Variants in CSMD1 observed in about 807,000 individuals in gnomAD.
CSMD1 encodes CUB and sushi domain-containing protein 1.
A neutral mutation model predicts 417.5 loss-of-function variants in CSMD1; 213 were observed. The observed-to-expected ratio is 0.51, with a 90% CI of 0.46 to 0.57. The LOEUF is 0.57. CSMD1 is among the 20% of genes least tolerant of loss of function. The probability of loss-of-function intolerance (pLI) is 0.00; values close to 1 mark genes in which losing one functional copy is unlikely to be tolerated. For synonymous variants in CSMD1, 2,862 were observed against 1,736.8 expected (o/e 1.65, Z -16.11); for missense variants, 6,923 against 4,529.7 (o/e 1.53, Z -15.17).
intron 2 of CSMD1, among the ~76,000 whole-genome samples, chr8:4,454,946 C>T (rs1012992323): frequency 4.6e-5 from 7 of 152,168 alleles, no homozygotes; most frequent in African/African-American, 1.7e-4. Context: ...CATGACGCTT[C>T]TGTACGTTGT....
At chr8:3,407,837 C>A (rs1191086636) in intron 14 of CSMD1, 62 bp downstream of exon 14, 32 of 1,424,638 alleles carry the variant, frequency 2.2e-5, no homozygotes, top group Non-Finnish European at 1.7e-5. Context: ...TACATATAAG[C>A]AAAATGGGAA....
Position 3,931,171 on chromosome 8 carries a change from A to G in CSMD1, c.818+66732T>C, listed in dbSNP as rs893465727. 2.0e-5 allele frequency among the ~76,000 whole-genome samples: 3 copies of G among 150,770 alleles called. 1 individual carries two copies. Among genetic ancestry groups the G allele is most frequent in the Admixed American group, 6.6e-5 (1 of 15,150 alleles). On this transcript the variant is annotated intron_variant, in intron 5 of 69. Transcript: ENST00000635120. ...GCTAAACATCGTCTGCATCTTTTAAAGCATCTTCCCCTCATATCCATTTAG... is the reference window on the plus strand; with the variant it reads ...GCTAAACATCGTCTGCATCTTTTAAGGCATCTTCCCCTCATATCCATTTAG...
At chr8:4,490,541 C>A (rs529568068) in intron 2 of CSMD1, among the ~76,000 whole-genome samples, 20 of 152,194 alleles carry the variant, frequency 1.3e-4, no homozygotes, top group South Asian at 8.3e-4. Flanking sequence ...CATGAACTGT[C>A]ATAGATGCTA....
intron 3 of CSMD1, among the ~76,000 whole-genome samples, chr8:4,132,460 A>G (rs1356085394): frequency 2.0e-5 from 3 of 152,146 alleles, no homozygotes; most frequent in Non-Finnish European, 4.4e-5. Flanking sequence ...ATTCCATTTA[A>G]CTTTTACTTT....
At chr8:4,881,938 G>C (rs375433196) in intron 1 of CSMD1, among the ~76,000 whole-genome samples, 56 of 151,936 alleles carry the variant, frequency 3.7e-4, no homozygotes, top group Admixed American at 3.4e-3. Context: ...CTTGCAGGGA[G>C]AATCAGCTTC....
chr8:3,514,807 G>A (rs1208621128), intron 10 of CSMD1, among the ~76,000 whole-genome samples: 4 of 151,930 alleles, frequency 2.6e-5, no homozygotes, highest in Non-Finnish European at 4.4e-5. Context: ...AACTTACAGT[G>A]GGTACCTATA....
At chr8:4,138,837 G>C (rs951269933) in intron 3 of CSMD1, among the ~76,000 whole-genome samples, 7 of 152,128 alleles carry the variant, frequency 4.6e-5, no homozygotes, top group Admixed American at 1.3e-4. Context: ...AAATTCTATA[G>C]AGAATAAAGT....
At chr8:4,874,339 C>T (rs1346016946) in intron 1 of CSMD1, among the ~76,000 whole-genome samples, 1 of 149,952 alleles carries the variant, frequency 6.7e-6, no homozygotes, top group African/African-American at 2.5e-5. Flanking sequence ...CTTATTAATA[C>T]ATAAATGAAA....
intron 23 of CSMD1, among the ~76,000 whole-genome samples, chr8:3,316,684 G>C (rs574353725): frequency 6.6e-6 from 1 of 152,222 alleles, no homozygotes; most frequent in African/African-American, 2.4e-5. Context: ...TTTTAAACGT[G>C]TGGCGGTTGT....
intron 5 of CSMD1, among the ~76,000 whole-genome samples, chr8:3,903,491 G>A (rs1450104744): frequency 1.3e-5 from 2 of 152,178 alleles, no homozygotes; most frequent in Non-Finnish European, 2.9e-5. Flanking sequence ...ATTATCGACA[G>A]CAGAGAAGTG....
intron 20 of CSMD1, among the ~76,000 whole-genome samples, chr8:3,363,472 T>C (rs985661356): frequency 6.6e-6 from 1 of 152,130 alleles, no homozygotes; most frequent in Admixed American, 6.5e-5. Flanking sequence ...CCCTCTGACC[T>C]GGACAGGAGG....
intron 2 of CSMD1, among the ~76,000 whole-genome samples, chr8:4,512,767 C>T (rs1271409910): frequency 1.4e-5 from 2 of 145,758 alleles, no homozygotes; most frequent in African/African-American, 2.5e-5. Context: ...CTCTATAAAA[C>T]TCTGAATTAA....
chr8:3,298,284 C>T (rs895424872), intron 25 of CSMD1, among the ~76,000 whole-genome samples: 2 of 152,168 alleles, frequency 1.3e-5, no homozygotes, highest in African/African-American at 2.4e-5. Context: ...CATGTCAAAG[C>T]ATATTAAAAG....
intron 23 of CSMD1, among the ~76,000 whole-genome samples, chr8:3,342,373 T>C (rs1204622173): frequency 1.3e-5 from 2 of 152,202 alleles, no homozygotes; most frequent in African/African-American, 4.8e-5. Flanking sequence ...ACTTTTATGC[T>C]CAAAAACCCA....
At chr8:4,796,803 C>T (rs1054658795) in intron 1 of CSMD1, among the ~76,000 whole-genome samples, 18 of 152,176 alleles carry the variant, frequency 1.2e-4, no homozygotes, top group Non-Finnish European at 1.9e-4. Flanking sequence ...GTAAATTCCC[C>T]TTTGCATGTT....
chr8:4,240,870 G>A (rs1002969115), intron 3 of CSMD1, among the ~76,000 whole-genome samples: 1 of 152,128 alleles, frequency 6.6e-6, no homozygotes, highest in African/African-American at 2.4e-5. Flanking sequence ...AAAATATTGA[G>A]TTATGTATTC....
At chr8:3,920,029 T>A (rs533564472) in intron 5 of CSMD1, among the ~76,000 whole-genome samples, 2 of 151,278 alleles carry the variant, frequency 1.3e-5, no homozygotes, top group Non-Finnish European at 2.9e-5. Context: ...ATTTGTTTTT[T>A]ACTTTTTTGT....
In CSMD1 at chr8:4,350,853, C is replaced by T. The variant is rs371756182; in HGVS notation, c.415+69100G>A. 9.2e-5 allele frequency among the ~76,000 whole-genome samples: 14 copies of T among 152,174 alleles called. No homozygotes were observed. The East Asian group carries it at 9.6e-4, about 10-fold the overall frequency. Reference sequence around the variant, plus strand: ...CCTTAGCTGTGGAGACACTATCTGCCAGTGGCTCTAGTTCCGGTGGATGGA... The same window carrying T: ...CCTTAGCTGTGGAGACACTATCTGCTAGTGGCTCTAGTTCCGGTGGATGGA... On this transcript the variant is annotated intron_variant, in intron 3 of 69. Transcript: ENST00000635120.
In CSMD1 at chr8:4,256,294, G is replaced by A. The variant is rs141387493; in HGVS notation, c.415+163659C>T. ...GGTTTCACGATGCTTATGATGCAGA[G>A]TGAAATGTACAACAATTTTGCAGAA... On this transcript the variant is annotated intron_variant, in intron 3 of 69. Coordinates refer to ENST00000635120, the MANE Select transcript of CSMD1 (RefSeq NM_033225.6). Among the ~76,000 whole-genome samples the A allele has an allele frequency of 1.2e-3, 179 of 152,280 alleles. 1 individual carries two copies. The highest frequency in any genetic ancestry group is 4.2e-3 in the African/African-American group (174 of 41,558).
Sources: gnomAD v4.1 joint callset for allele counts (sites outside exome capture counted in the v4.1 genomes callset) on GRCh38, gnomAD v4.1.1 for gene constraint, MANE v1.5 for transcripts, NCBI Gene and HGNC (gene_info 2026-07-23, HGNC 2026-07-21) for gene names.